RAB3GAP1: variants seen among roughly 807,000 people sequenced by gnomAD.
RAB3GAP1 encodes the protein rab3 GTPase-activating protein catalytic subunit.
A neutral mutation model predicts 130.7 loss-of-function variants in RAB3GAP1; 86 were observed. The observed-to-expected ratio is 0.66, with a 90% CI of 0.55 to 0.79. The LOEUF (loss-of-function observed/expected upper bound fraction) is 0.79, where lower values mean the gene tolerates loss of function less well. Ranked by LOEUF, RAB3GAP1 falls within the 30% of genes least tolerant of loss-of-function variation. RAB3GAP1 has a pLI of 0.00. For missense variants in RAB3GAP1, 1,029 were observed against 1,169.4 expected (o/e 0.88, Z 1.75); for synonymous variants, 367 against 401.7 (o/e 0.91, Z 1.03).
At chr2:135,132,818 T>G (rs764959554) in intron 13 of RAB3GAP1, 77 bp from the exon 14 acceptor site, 19 of 850,936 alleles carry the variant, frequency 2.2e-5, no homozygotes, top group Non-Finnish European at 3.6e-5. Flanking sequence ...AGTTAAATAA[T>G]GTCTATATGA....
intron 5 of RAB3GAP1, among the ~76,000 whole-genome samples, chr2:135,110,786 A>G (rs972582961): frequency 1.3e-5 from 2 of 152,238 alleles, no homozygotes; most frequent in Non-Finnish European, 2.9e-5. Context: ...AGGGGATTGT[A>G]CTTTTGAAAA....
At chr2:135,097,659 G>T (rs1024628050) in intron 5 of RAB3GAP1, among the ~76,000 whole-genome samples, 1 of 152,120 alleles carries the variant, frequency 6.6e-6, no homozygotes. Flanking sequence ...TTGGTGACTG[G>T]CTTTTAAAAC....
At chr2:135,176,272 A>G (rs1692999174) in exon 25 of RAB3GAP1, 2 of 152,374 alleles carry the variant, frequency 1.3e-5, no homozygotes, top group Admixed American at 1.3e-4. Flanking sequence ...AGGAAAGGAA[A>G]TCAGCATATC....
downstream of RAB3GAP1, among the ~76,000 whole-genome samples, chr2:135,173,255 G>A (rs1692909239): frequency 6.6e-6 from 1 of 151,828 alleles, no homozygotes; most frequent in African/African-American, 2.4e-5. Flanking sequence ...TAATAAATTG[G>A]GAAACATAGA....
chr2:135,119,047 T>C (rs924753543), intron 7 of RAB3GAP1, among the ~76,000 whole-genome samples: 6 of 151,886 alleles, frequency 4.0e-5, no homozygotes, highest in African/African-American at 1.5e-4. Context: ...TTCCATCATT[T>C]TTCATCCTAA....
chr2:135,061,845 G>GT (rs1689179136), intron 3 of RAB3GAP1, among the ~76,000 whole-genome samples: 1 of 151,994 alleles, frequency 6.6e-6, no homozygotes, highest in African/African-American at 2.4e-5. Context: ...TAGGGATCAA[G>GT]TTTCTTCTTC....
At chr2:135,060,705 GTTA>G (rs1219399789) in intron 3 of RAB3GAP1, among the ~76,000 whole-genome samples, 5 of 149,130 alleles carry the variant, frequency 3.4e-5, no homozygotes, top group Non-Finnish European at 6.0e-5. Context: ...TATTATTATT[GTTA>G]TTATTATTAT....
Position 135,150,456 on chromosome 2 carries a change from C to G in RAB3GAP1, c.2011C>G (p.Arg671Gly), listed in dbSNP as rs137853052. 6.2e-7 allele frequency: 1 copy of G among 1,614,186 alleles called. No homozygotes were observed. The highest frequency in any genetic ancestry group is 1.1e-5 in the South Asian group (1 of 91,084). Residue 671 changes from arginine (R) to glycine (G), a missense_variant, in exon 18 of 24, where the codon CGA becomes GGA. Arg to Gly is a moderately radical substitution (Grantham distance 125). This residue lies in a region of RAB3GAP1 where 373 missense variants were observed against 493.6 expected (regional missense o/e 0.76). Transcript: ENST00000264158. ...LGTSAEGAHLRARMQSACLLS... is the reference protein window; with the variant it reads ...LGTSAEGAHLGARMQSACLLS... ...TACATCGGCAGAGGGGGCTCACCTT[C>G]GAGCACGCATGCAGAGTGCCTGTCT...
chr2:135,134,324 A>AT (rs950790918), intron 15 of RAB3GAP1, among the ~76,000 whole-genome samples: 6 of 152,204 alleles, frequency 3.9e-5, no homozygotes, highest in Non-Finnish European at 8.8e-5. Flanking sequence ...TTAATAACAG[A>AT]TGTTCATATT....
chr2:135,083,749 G>A (rs1689896617), intron 3 of RAB3GAP1, among the ~76,000 whole-genome samples: 1 of 139,516 alleles, frequency 7.2e-6, no homozygotes, highest in South Asian at 2.3e-4. Flanking sequence ...ATAGGCGTCA[G>A]CCACTGTACC....
intron 2 of RAB3GAP1, among the ~76,000 whole-genome samples, chr2:135,055,770 A>G (rs1483896492): frequency 6.6e-6 from 1 of 152,210 alleles, no homozygotes; most frequent in East Asian, 1.9e-4. Context: ...ATAGTAGAAT[A>G]AAAAATAAAA....
At chr2:135,144,134 A>G (rs970717397) in intron 17 of RAB3GAP1, among the ~76,000 whole-genome samples, 1 of 152,148 alleles carries the variant, frequency 6.6e-6, no homozygotes, top group Non-Finnish European at 1.5e-5. Context: ...CCCTAACTCA[A>G]GCGTGCCCTA....
At chr2:135,175,929 T>A (rs1160171213) in intron 24 of RAB3GAP1, among the ~76,000 whole-genome samples, 2 of 152,230 alleles carry the variant, frequency 1.3e-5, no homozygotes, top group Non-Finnish European at 2.9e-5. Context: ...TTTAAGTTGA[T>A]AATGTCAATA....
At chr2:135,170,925 A>G (rs932829587), downstream of RAB3GAP1, among the ~76,000 whole-genome samples, 4 of 151,990 alleles carry the variant, frequency 2.6e-5, no homozygotes, top group Admixed American at 2.0e-4. Flanking sequence ...CACCTCTTCA[A>G]TCTGGTCTCG....
chr2:135,126,693 G>A, intron 11 of RAB3GAP1, 37 bp downstream of exon 11: 1 of 1,519,190 alleles, frequency 6.6e-7, no homozygotes, highest in Non-Finnish European at 9.1e-7. Flanking sequence ...AAATACTGCT[G>A]ATCTGCCTAA....
chr2:135,088,865 T>C (rs1690061135), intron 3 of RAB3GAP1, among the ~76,000 whole-genome samples: 1 of 152,118 alleles, frequency 6.6e-6, no homozygotes, highest in South Asian at 2.1e-4. Flanking sequence ...AGGTTGCCTG[T>C]TCACTCTGAT....
In RAB3GAP1 at chr2:135,123,733, C is replaced by T. The variant is rs116112200; in HGVS notation, c.749-432C>T. Reference sequence around the variant, plus strand: ...AACCAAAATATAATGTTATTAATGACGACAAATATACTAATTTCCTATTCA... The same window carrying T: ...AACCAAAATATAATGTTATTAATGATGACAAATATACTAATTTCCTATTCA... On this transcript the variant is annotated intron_variant, in intron 8 of 23. Transcript: ENST00000264158. 2.2e-3 allele frequency among the ~76,000 whole-genome samples: 330 copies of T among 151,936 alleles called. 1 individual carries two copies. Among genetic ancestry groups the T allele is most frequent in the South Asian group, 8.7e-3 (42 of 4,806 alleles).
At chr2:135,113,123 G>GA in intron 5 of RAB3GAP1, 28 bp from the exon 6 acceptor site, 32 of 1,613,840 alleles carry the variant, frequency 2.0e-5, no homozygotes, top group Non-Finnish European at 2.7e-5. Context: ...GGTTTCCCCT[G>GA]TTTAATGCAG....
chr2:135,106,016 TGAG>T (rs1690598673), intron 5 of RAB3GAP1, among the ~76,000 whole-genome samples: 1 of 149,182 alleles, frequency 6.7e-6, no homozygotes, highest in Non-Finnish European at 1.5e-5. Flanking sequence ...GTCTGAGAAG[TGAG>T]GAGCCCCTCC....
Sources: allele counts gnomAD v4.1 joint callset (sites outside exome capture counted in the v4.1 genomes callset), GRCh38; gene constraint gnomAD v4.1.1; regional missense constraint gnomAD v4.1.1; transcripts MANE v1.5; gene names NCBI Gene and HGNC (gene_info 2026-07-23, HGNC 2026-07-21).